Variants in MYT1L observed in about 807,000 individuals in gnomAD.
MYT1L encodes the protein myelin transcription factor 1-like protein.
A neutral mutation model predicts 126.7 loss-of-function variants in MYT1L; 12 were observed. That is an observed-to-expected ratio of 0.09 (90% CI 0.06 to 0.15). The LOEUF is 0.15. Among genes scored for constraint, MYT1L ranks in the 10% least tolerant of loss-of-function variants. MYT1L has a pLI of 1.00. For synonymous variants in MYT1L, 541 were observed against 604.2 expected, an observed-to-expected ratio of 0.90 and a Z score of 1.53; for missense variants, 979 against 1,585.2, an observed-to-expected ratio of 0.62 and a Z score of 6.49.
intron 4 of MYT1L, 39 bp downstream of exon 4, chr2:2,053,939 G>A (rs2069154254): frequency 6.6e-6 from 1 of 152,654 alleles, no homozygotes; most frequent in Admixed American, 6.5e-5. Context: ...CTGTCTGCAT[G>A]TAAAGCTTAA....
Position 2,167,604 on chromosome 2 carries a change from C to T in MYT1L, c.-304+5268G>A, listed in dbSNP as rs116134298. On this transcript the variant is annotated intron_variant, in intron 3 of 24. Transcript: ENST00000647738. ...ACCACGCCCACCCTGCCTTCCCTCC[C>T]GCTTCCCGCTCCCAAACCTCTGGCC... Among the ~76,000 whole-genome samples, 263 of 152,352 alleles carry T rather than the reference C, an allele frequency of 1.7e-3. 2 individuals carry two copies. Among genetic ancestry groups the T allele is most frequent in the African/African-American group, 6.1e-3 (253 of 41,588 alleles).
intron 3 of MYT1L, among the ~76,000 whole-genome samples, chr2:2,068,435 C>A (rs1178396210): frequency 6.6e-6 from 1 of 152,124 alleles, no homozygotes; most frequent in Non-Finnish European, 1.5e-5. Flanking sequence ...AGGCCAGGGA[C>A]CCTCCAGTTC....
intron 1 of MYT1L, among the ~76,000 whole-genome samples, chr2:2,305,087 T>A (rs1027878508): frequency 1.3e-5 from 2 of 152,262 alleles, no homozygotes; most frequent in African/African-American, 4.8e-5. Flanking sequence ...ATTTTTTAAG[T>A]TTATTTTTTT....
At position 2,224,548 on chromosome 2, in the gene MYT1L, G is replaced by A. The variant is rs538662124; in HGVS notation, c.-420-51560C>T. Among the ~76,000 whole-genome samples the A allele has an allele frequency of 7.2e-4, 109 of 152,258 alleles. 1 individual carries two copies. Among genetic ancestry groups the A allele is most frequent in the Admixed American group, 5.4e-3 (82 of 15,292 alleles). On this transcript the variant is annotated intron_variant, in intron 2 of 24. Coordinates refer to ENST00000647738, the MANE Select transcript of MYT1L (RefSeq NM_001303052.2). The surrounding 1 kb of genome is among the most constrained non-coding windows in gnomAD (Gnocchi z 4.0). The stretch of plus-strand genomic sequence containing the variant: ...AAAATAAATGTTTCAGGCTGGGCAC[G>A]GTGGCTGAAGCCTGTAATCTCAACA...
chr2:1,824,759 G>T (rs1006603126), intron 21 of MYT1L: 1 of 151,878 alleles, frequency 6.6e-6, no homozygotes, highest in Non-Finnish European at 1.5e-5. Context: ...GGAGGACTCC[G>T]CAGTATCCCG....
intron 3 of MYT1L, among the ~76,000 whole-genome samples, chr2:2,132,011 T>C (rs1466053372): frequency 1.3e-5 from 2 of 148,396 alleles, no homozygotes; most frequent in Non-Finnish European, 3.0e-5. Context: ...CTGGTTCAAG[T>C]GATTCTCCCA....
At chr2:2,155,720 CTG>C (rs2148360556) in intron 3 of MYT1L, among the ~76,000 whole-genome samples, 1 of 152,316 alleles carries the variant, frequency 6.6e-6, no homozygotes, top group East Asian at 1.9e-4. Flanking sequence ...GCTATGCCCA[CTG>C]TGTCGGGGGG....
intron 2 of MYT1L, among the ~76,000 whole-genome samples, chr2:2,263,433 A>G (rs1374375945): frequency 6.6e-6 from 1 of 152,182 alleles, no homozygotes; most frequent in Non-Finnish European, 1.5e-5. Flanking sequence ...GCATAAATCA[A>G]TAAATGCCTG....
At chr2:2,106,380 A>G (rs888847884) in intron 3 of MYT1L, among the ~76,000 whole-genome samples, 3 of 152,124 alleles carry the variant, frequency 2.0e-5, no homozygotes, top group Non-Finnish European at 4.4e-5. Context: ...AGGAGGCCGA[A>G]TCACTTGAGG....
chr2:1,985,368 G>A (rs773627069), intron 5 of MYT1L, among the ~76,000 whole-genome samples: 4 of 152,334 alleles, frequency 2.6e-5, no homozygotes, highest in Non-Finnish European at 5.9e-5. Flanking sequence ...GTGCAGGTGT[G>A]CATGTCTAGC....
chr2:1,829,956 G>A (rs78242038), intron 21 of MYT1L, among the ~76,000 whole-genome samples: 369 of 152,312 alleles, frequency 2.4e-3, no homozygotes, highest in African/African-American at 8.6e-3. Flanking sequence ...AAAATGTATT[G>A]AGTCAATGGT....
rs530790536 is a variant in MYT1L at position 1,888,844 on chromosome 2, A to C, written c.2520+397T>G. Among the ~76,000 whole-genome samples, 141 of 152,328 alleles carry C rather than the reference A, an allele frequency of 9.3e-4. 2 individuals carry two copies. The South Asian group carries it at 0.018, about 20-fold the overall frequency. On this transcript the variant is annotated intron_variant, in intron 16 of 24. Transcript: ENST00000647738. Reference sequence around the variant, plus strand: ...GTCCTTAGTTTCGAAGGGCTAGTTAATTAATAGCACATAGTTAACCATTTA... The same window carrying C: ...GTCCTTAGTTTCGAAGGGCTAGTTACTTAATAGCACATAGTTAACCATTTA...
chr2:2,276,097 T>C (rs950189940), intron 2 of MYT1L, among the ~76,000 whole-genome samples: 3 of 152,212 alleles, frequency 2.0e-5, no homozygotes, highest in East Asian at 3.8e-4. Context: ...GACCACCTGA[T>C]ACAGTGGTGT....
At chr2:1,839,543 C>G (rs1170583803) in intron 20 of MYT1L, among the ~76,000 whole-genome samples, 173 bp from the exon 21 acceptor site, 1 of 152,250 alleles carries the variant, frequency 6.6e-6, no homozygotes, top group Non-Finnish European at 1.5e-5. Context: ...AAGACACCAC[C>G]TAGTGGAACA....
Position 1,957,179 on chromosome 2 carries a change from A to G in MYT1L, c.153-13845T>C, listed in dbSNP as rs568858869. Among the ~76,000 whole-genome samples, 20 of 152,340 alleles carry G rather than the reference A, an allele frequency of 1.3e-4. 2 individuals carry two copies. The South Asian group carries it at 3.5e-3, about 27-fold the overall frequency. ...GGGCGCGTGGCTTGAGTGTGAGGCC[A>G]TGAGATGTGAGTGCATGTCTATCCA... On this transcript the variant is annotated intron_variant, in intron 8 of 24. Transcript: ENST00000647738.
intron 2 of MYT1L, among the ~76,000 whole-genome samples, chr2:2,211,841 A>G (rs886944694): frequency 6.6e-6 from 1 of 151,444 alleles, no homozygotes; most frequent in African/African-American, 2.4e-5. Flanking sequence ...AAAAAAACTG[A>G]CAATGCTTCT....
chr2:2,030,051 C>G (rs1186045486), intron 4 of MYT1L, among the ~76,000 whole-genome samples: 1 of 152,102 alleles, frequency 6.6e-6, no homozygotes, highest in African/African-American at 2.4e-5. Context: ...GAGGCATGTC[C>G]TGTAGAGCCT....
At chr2:2,256,442 A>G (rs1243029283) in intron 2 of MYT1L, among the ~76,000 whole-genome samples, 1 of 152,244 alleles carries the variant, frequency 6.6e-6, no homozygotes, top group Non-Finnish European at 1.5e-5. Flanking sequence ...ACAATTCCGT[A>G]TTATCTATGC....
intron 3 of MYT1L, among the ~76,000 whole-genome samples, chr2:2,140,107 C>T (rs1271768392): frequency 1.3e-5 from 2 of 152,242 alleles, no homozygotes; most frequent in East Asian, 1.9e-4. Flanking sequence ...ACATGTATAT[C>T]GGCAGATTGA....
Sources: gnomAD v4.1 joint callset for allele counts (sites outside exome capture counted in the v4.1 genomes callset) on GRCh38, gnomAD v4.1.1 for gene constraint, Gnocchi (gnomAD v3.1) non-coding constraint, MANE v1.5 for transcripts, NCBI Gene and HGNC (gene_info 2026-07-23, HGNC 2026-07-21) for gene names.